The following FRYL variants were observed in gnomAD, a reference collection of about 807,000 sequenced individuals.
The protein encoded by FRYL is FRY like transcription coactivator.
Under a neutral mutation model 351.2 loss-of-function variants are expected in FRYL, and 150 were observed. The ratio of observed to expected loss-of-function variants is 0.43; its 90% CI spans 0.37 to 0.49. The LOEUF (loss-of-function observed/expected upper bound fraction) is 0.49, where lower values mean the gene tolerates loss of function less well. Ranked by LOEUF, FRYL falls within the 20% of genes least tolerant of loss-of-function variation. FRYL has a pLI of 0.00. For missense variants in FRYL, 3,036 were observed against 3,619.3 expected, an observed-to-expected ratio of 0.84 and a Z score of 4.13; for synonymous variants, 1,153 against 1,257.1, an observed-to-expected ratio of 0.92 and a Z score of 1.75.
chr4:48,544,311 A>G (rs1014751521), intron 43 of FRYL, among the ~76,000 whole-genome samples: 1 of 152,188 alleles, frequency 6.6e-6, no homozygotes, highest in African/African-American at 2.4e-5. Flanking sequence ...TCAACCCACC[A>G]GATACCAGTA....
At chr4:48,710,382 G>A (rs956840255) in intron 2 of FRYL, 137 bp downstream of exon 2, 6 of 393,608 alleles carry the variant, frequency 1.5e-5, no homozygotes, top group Non-Finnish European at 2.7e-5. Context: ...TGTAAAAAAT[G>A]TTTTGAGGTC....
chr4:48,546,327 C>T lies in FRYL; in HGVS notation c.5075-56G>A, dbSNP rs1472923977. 59 of 1,339,534 alleles carry T rather than the reference C, an allele frequency of 4.4e-5. No homozygotes were observed. The East Asian group carries it at 1.2e-3, about 27-fold the overall frequency. 83.0% of individuals were successfully genotyped at this position (1,339,534 alleles called of 1,614,324 possible). A position where few individuals can be genotyped will look rare whatever the true frequency, so the allele number is the denominator to read the frequency against. On this transcript the variant is annotated intron_variant, in intron 41 of 63. Coordinates refer to ENST00000358350, the MANE Select transcript of FRYL (RefSeq NM_015030.2). ...AAACATGAAAGAATCTCACAAAATACCTATAGAATTAAACTGTTGTTCCTT... is the reference window on the plus strand; with the variant it reads ...AAACATGAAAGAATCTCACAAAATATCTATAGAATTAAACTGTTGTTCCTT...
At chr4:48,518,377 CT>C (rs1418454423) in intron 55 of FRYL, among the ~76,000 whole-genome samples, 1 of 152,234 alleles carries the variant, frequency 6.6e-6, no homozygotes, top group African/African-American at 2.4e-5. Context: ...GCTCGTTCAT[CT>C]CCTCCAATCT....
chr4:48,538,197 AT>A (rs765318457), intron 47 of FRYL, among the ~76,000 whole-genome samples: 3 of 152,184 alleles, frequency 2.0e-5, no homozygotes, highest in Non-Finnish European at 4.4e-5. Flanking sequence ...GATTAGTTTA[AT>A]AAAAACCAAG....
Position 48,528,414 on chromosome 4 carries a change from TATA to T in FRYL, c.6904-81_6904-79del, listed in dbSNP as rs910494761. 11 of 1,037,900 alleles carry T rather than the reference TATA, an allele frequency of 1.1e-5. 3 individuals are homozygous for T. Among genetic ancestry groups the T allele is most frequent in the African/African-American group, 4.9e-5 (3 of 61,064 alleles). 64.3% of individuals were successfully genotyped at this position (1,037,900 alleles called of 1,614,324 possible). A position where few individuals can be genotyped will look rare whatever the true frequency, so the allele number is the denominator to read the frequency against. Reference sequence around the variant, plus strand: ...AACTTAAAAGGGTTAACAGTGCACCTATAATATTTTTTACAAATAAAAAAAAAG... The same window carrying T: ...AACTTAAAAGGGTTAACAGTGCACCTATATTTTTTACAAATAAAAAAAAAG... On this transcript the variant is annotated intron_variant, in intron 50 of 63. Transcript: ENST00000358350.
intron 13 of FRYL, among the ~76,000 whole-genome samples, chr4:48,601,220 G>C (rs1277911161): frequency 6.6e-6 from 1 of 152,130 alleles, no homozygotes; most frequent in East Asian, 1.9e-4. Flanking sequence ...CTAACTTAGA[G>C]GAATACCAGG....
Position 48,530,691 on chromosome 4 carries a change from G to A in FRYL, c.6903+465C>T, listed in dbSNP as rs538477964. 1.1e-4 allele frequency among the ~76,000 whole-genome samples: 17 copies of A among 152,142 alleles called. No homozygotes were observed. The South Asian group carries it at 1.2e-3, about 11-fold the overall frequency. On this transcript the variant is annotated intron_variant, in intron 50 of 63. Transcript: ENST00000358350. The stretch of plus-strand genomic sequence containing the variant: ...TGTCTGGAACACCATGCTTTCTCAC[G>A]CTTACAAGCCTTCATTCACACATTC...
At chr4:48,668,940 C>T (rs1762207496) in intron 3 of FRYL, among the ~76,000 whole-genome samples, 1 of 152,124 alleles carries the variant, frequency 6.6e-6, no homozygotes, top group Non-Finnish European at 1.5e-5. Context: ...TTTGTTTAAC[C>T]TTTACAGAAT....
chr4:48,514,718 T>C (rs1223034226), intron 56 of FRYL, among the ~76,000 whole-genome samples: 1 of 152,264 alleles, frequency 6.6e-6, no homozygotes, highest in Non-Finnish European at 1.5e-5. Context: ...ATTTGGCCAT[T>C]TGGCATCTGC....
intron 6 of FRYL, among the ~76,000 whole-genome samples, chr4:48,619,747 C>T (rs1344427700): frequency 6.6e-6 from 1 of 152,174 alleles, no homozygotes; most frequent in African/African-American, 2.4e-5. Context: ...AGTGATCCTC[C>T]TGCCTGAGCC....
chr4:48,608,449 T>C (rs1747321679), intron 9 of FRYL, among the ~76,000 whole-genome samples: 1 of 152,166 alleles, frequency 6.6e-6, no homozygotes, highest in South Asian at 2.1e-4. Context: ...ATAACAAATA[T>C]ATTTTGCTGT....
chr4:48,572,212 A>C (rs1738488859), intron 26 of FRYL, among the ~76,000 whole-genome samples: 1 of 152,228 alleles, frequency 6.6e-6, no homozygotes, highest in South Asian at 2.1e-4. Context: ...GATGCTTTAC[A>C]AAAACAGACT....
intron 22 of FRYL, among the ~76,000 whole-genome samples, chr4:48,579,944 A>T (rs1404331988): frequency 1.3e-5 from 2 of 152,168 alleles, no homozygotes; most frequent in Non-Finnish European, 2.9e-5. Flanking sequence ...GTCATTATAC[A>T]ATATAGACAT....
At chr4:48,560,676 G>T (rs185721551) in intron 33 of FRYL, among the ~76,000 whole-genome samples, 1 of 152,044 alleles carries the variant, frequency 6.6e-6, no homozygotes, top group Admixed American at 6.5e-5. Flanking sequence ...CGGATGCGGG[G>T]GTTGGGAAAA....
chr4:48,651,213 CGTGTGTGTGT>C (rs10604700), intron 3 of FRYL, among the ~76,000 whole-genome samples: 44,790 of 104,830 alleles, frequency 0.43, 9,697 homozygotes, highest in South Asian at 0.56. Context: ...CCACATGCAC[CGTGTGTGTGT>C]GTGTGTGTGT....
intron 17 of FRYL, 139 bp downstream of exon 17, chr4:48,590,520 G>C: frequency 1.8e-6 from 1 of 557,488 alleles, no homozygotes; most frequent in Non-Finnish European, 2.9e-6. Context: ...AAAAAACCCA[G>C]AAGTATTCAT....
At chr4:48,722,730 A>G (rs925358496) in intron 1 of FRYL, among the ~76,000 whole-genome samples, 14 of 152,246 alleles carry the variant, frequency 9.2e-5, no homozygotes, top group African/African-American at 3.4e-4. Flanking sequence ...GGCCTTGGGA[A>G]GCACATTCCT....
intron 3 of FRYL, among the ~76,000 whole-genome samples, chr4:48,656,481 A>G (rs1008474402): frequency 2.3e-5 from 3 of 132,668 alleles, no homozygotes; most frequent in Admixed American, 1.7e-4. Context: ...TGTATATAGT[A>G]ATGTATACAT....
chr4:48,714,654 C>T (rs1361717230), intron 1 of FRYL, among the ~76,000 whole-genome samples: 1 of 149,830 alleles, frequency 6.7e-6, no homozygotes, highest in Non-Finnish European at 1.5e-5. Context: ...AAAAAGAGTC[C>T]AGGACCAGAT....
Sources: gnomAD v4.1 joint callset for allele counts (sites outside exome capture counted in the v4.1 genomes callset) on GRCh38, gnomAD v4.1.1 for gene constraint, MANE v1.5 for transcripts, NCBI Gene and HGNC (gene_info 2026-07-23, HGNC 2026-07-21) for gene names.